SERPINE3: variants seen among roughly 807,000 people sequenced by gnomAD.
The protein encoded by SERPINE3 is serpin E3.
In SERPINE3, 43 loss-of-function variants were observed where a neutral mutation model predicts 41.7. That is an observed-to-expected ratio of 1.03 (90% CI 0.81 to 1.33). The LOEUF is 1.33. Ranked by LOEUF, SERPINE3 falls within the 40% of genes most tolerant of loss-of-function variation. The pLI is 0.00. For synonymous variants in SERPINE3, 200 were observed against 192.2 expected (o/e 1.04, Z -0.34); for missense variants, 440 against 491.7 (o/e 0.89, Z 0.99).
At chr13:51,341,430 C>T in intron 3 of SERPINE3, 83 bp downstream of exon 3, 3 of 1,271,952 alleles carry the variant, frequency 2.4e-6, no homozygotes, top group Non-Finnish European at 2.2e-6. Context: ...TGCTCACACT[C>T]ACACTCACTC....
intron 9 of SERPINE3, 171 bp downstream of exon 9, chr13:51,362,064 G>A (rs17837214): frequency 0.012 from 19,504 of 1,569,120 alleles, 290 homozygotes; most frequent in East Asian, 0.067. Flanking sequence ...GGACTATTTC[G>A]TAAGTACAAA....
At chr13:51,363,065 C>G (rs1003912607) in intron 9 of SERPINE3, 12 of 151,832 alleles carry the variant, frequency 7.9e-5, no homozygotes, top group African/African-American at 2.9e-4. Flanking sequence ...AGGTTCTACT[C>G]CCTAAGGAAA....
intron 8 of SERPINE3, chr13:51,361,603 T>C (rs1204948260): frequency 1.0e-5 from 6 of 589,544 alleles, no homozygotes; most frequent in Non-Finnish European, 1.8e-5. Flanking sequence ...ATTTATTCCA[T>C]GGAATGTGTT....
rs950682201 is a variant in SERPINE3, at chr13:51,348,649, A to T, written c.899+238A>T. The T allele has an allele frequency of 8.0e-5, 26 of 325,292 alleles. 1 individual carries two copies. The highest frequency in any genetic ancestry group is 1.1e-4 in the Non-Finnish European group (23 of 200,886). The allele number at this position is 325,292 out of a possible 1,614,324, so 20.2% of individuals were successfully genotyped here. ...TGAACTAACTTCCCAGAGTCTTTCC[A>T]AGACAAGATATTCTGCCTTCACTGG... is the stretch of plus-strand genomic sequence containing the variant. On this transcript the variant is annotated intron_variant, in intron 6 of 9. Transcript: ENST00000681248.
At chr13:51,357,338 C>T (rs569525806) in intron 7 of SERPINE3, among the ~76,000 whole-genome samples, 2 of 152,290 alleles carry the variant, frequency 1.3e-5, no homozygotes, top group South Asian at 4.1e-4. Context: ...ACTCACCACA[C>T]ATCTTAATTG....
intron 9 of SERPINE3, chr13:51,362,194 A>ATT: frequency 1.5e-6 from 1 of 657,426 alleles, no homozygotes; most frequent in Non-Finnish European, 2.3e-6. Context: ...AAAATCATGA[A>ATT]AGTAAAATAA....
At position 51,341,659 on chromosome 13, in the gene SERPINE3, T is replaced by C. The variant is rs146974134; in HGVS notation, c.256+312T>C. 9.8e-4 allele frequency among the ~76,000 whole-genome samples: 150 copies of C among 152,290 alleles called. 1 individual carries two copies. The highest frequency in any genetic ancestry group is 3.3e-3 in the African/African-American group (137 of 41,554). On this transcript the variant is annotated intron_variant, in intron 3 of 9. Coordinates refer to ENST00000681248, the MANE Select transcript of SERPINE3 (RefSeq NM_001386375.1). ...TAACCTAATAGGTTTCATGGCAATG[T>C]TTCAGTTTCATTTGACACACCCTAG...
At chr13:51,349,917 GT>G (rs1020687375) in intron 6 of SERPINE3, among the ~76,000 whole-genome samples, 3 of 151,960 alleles carry the variant, frequency 2.0e-5, no homozygotes, top group African/African-American at 4.8e-5. Context: ...AACTAACCAA[GT>G]TTTTTTTGTT....
At chr13:51,342,322 C>T (rs1209874399) in intron 3 of SERPINE3, among the ~76,000 whole-genome samples, 1 of 152,174 alleles carries the variant, frequency 6.6e-6, no homozygotes, top group Non-Finnish European at 1.5e-5. Flanking sequence ...GCCCCACCAC[C>T]TATACCTGGG....
At chr13:51,344,041 TG>T (rs771567875) in intron 3 of SERPINE3, among the ~76,000 whole-genome samples, 4 of 152,234 alleles carry the variant, frequency 2.6e-5, no homozygotes, top group Non-Finnish European at 5.9e-5. Flanking sequence ...ATATCTAGCA[TG>T]GTTTCTTCCC....
intron 6 of SERPINE3, among the ~76,000 whole-genome samples, chr13:51,353,342 G>A (rs1215923641): frequency 6.6e-6 from 1 of 152,104 alleles, no homozygotes; most frequent in East Asian, 1.9e-4. Flanking sequence ...AAGTGCATGG[G>A]CTGTGCTGGG....
intron 6 of SERPINE3, among the ~76,000 whole-genome samples, chr13:51,349,715 C>T (rs192152601): frequency 6.6e-6 from 1 of 152,236 alleles, no homozygotes; most frequent in Admixed American, 6.5e-5. Context: ...GTCTCAAACC[C>T]TCAAGCAGTT....
At chr13:51,349,018 T>C (rs1955380772) in intron 6 of SERPINE3, among the ~76,000 whole-genome samples, 1 of 152,208 alleles carries the variant, frequency 6.6e-6, no homozygotes, top group Non-Finnish European at 1.5e-5. Flanking sequence ...CATTCTATGT[T>C]GCTTTTTCAA....
At chr13:51,363,534 T>A (rs1252831969) in intron 9 of SERPINE3, 2 of 151,868 alleles carry the variant, frequency 1.3e-5, no homozygotes, top group Non-Finnish European at 2.9e-5. Flanking sequence ...ACCTCAAGAT[T>A]AAACTTTCCA....
intron 4 of SERPINE3, among the ~76,000 whole-genome samples, chr13:51,345,852 T>A (rs374518996): frequency 6.6e-6 from 1 of 152,186 alleles, no homozygotes; most frequent in Non-Finnish European, 1.5e-5. Flanking sequence ...CTGATTGTCC[T>A]CTAAGAAAAA....
At chr13:51,346,889 AAG>A (rs1955352412) in intron 4 of SERPINE3, 134 bp from the exon 5 acceptor site, 4 of 640,650 alleles carry the variant, frequency 6.2e-6, no homozygotes, top group Non-Finnish European at 1.1e-5. Context: ...TTGTAAGATG[AAG>A]AGAGAGACCA....
intron 2 of SERPINE3, 102 bp downstream of exon 2, chr13:51,340,963 G>A: frequency 9.5e-7 from 1 of 1,053,244 alleles, no homozygotes; most frequent in Non-Finnish European, 1.4e-6. Context: ...CTCTCCCTCA[G>A]CCGTCCCTAG....
At chr13:51,353,031 T>G (rs1434762069) in intron 6 of SERPINE3, among the ~76,000 whole-genome samples, 1 of 152,228 alleles carries the variant, frequency 6.6e-6, no homozygotes, top group Non-Finnish European at 1.5e-5. Flanking sequence ...TCTATATTCA[T>G]AAGGTATATT....
intron 9 of SERPINE3, chr13:51,363,725 C>T (rs1165540709): frequency 6.6e-6 from 1 of 151,556 alleles, no homozygotes; most frequent in Non-Finnish European, 1.5e-5. Flanking sequence ...GAGATATTAA[C>T]CTTTAGTTCT....
Sources: gnomAD v4.1 joint callset for allele counts (sites outside exome capture counted in the v4.1 genomes callset) on GRCh38, gnomAD v4.1.1 for gene constraint, MANE v1.5 for transcripts, NCBI Gene and HGNC (gene_info 2026-07-23, HGNC 2026-07-21) for gene names.